Variants in AKR1C1 observed in about 807,000 individuals in gnomAD.
The protein encoded by AKR1C1 is aldo-keto reductase family 1 member C1, also known as 20 alpha-hydroxysteroid dehydrogenase.
A neutral mutation model predicts 40.6 loss-of-function variants in AKR1C1; 32 were observed. The observed-to-expected ratio is 0.79, with a 90% CI of 0.60 to 1.06. The LOEUF (loss-of-function observed/expected upper bound fraction) is 1.06, where lower values mean the gene tolerates loss of function less well. Among genes scored for constraint, AKR1C1 ranks in the 50% least tolerant of loss-of-function variants. The pLI, the probability that AKR1C1 is intolerant of heterozygous loss-of-function variation, is 0.00. For synonymous variants in AKR1C1, 105 were observed against 134.2 expected (o/e 0.78, Z 1.50); for missense variants, 320 against 363.5 (o/e 0.88, Z 0.97).
chr10:4,966,812 T>G, intron 2 of AKR1C1, 115 bp from the exon 3 acceptor site: 1 of 797,588 alleles, frequency 1.3e-6, no homozygotes, highest in Non-Finnish European at 2.1e-6. Flanking sequence ...GAGAATAATT[T>G]TGCCTGTGGT....
Position 4,982,885 on chromosome 10 carries a change from G to A in AKR1C1, c.*5143G>A, listed in dbSNP as rs1554771240. ...CTGTTACCACTGCGTACCACACCCT[G>A]ACCAGTCAGAGGTCTTGAGTCGGTC... On this transcript the variant is annotated 3_prime_UTR_variant, in exon 9 of 9. Coordinates refer to ENST00000380872, the MANE Select transcript of AKR1C1 (RefSeq NM_001353.6). 4.6e-6 allele frequency: 2 copies of A among 434,000 alleles called. No individual in the cohort carries two copies. 26.9% of individuals were successfully genotyped at this position (434,000 alleles called of 1,614,324 possible).
In AKR1C1 at chr10:4,966,963, C is replaced by T. The variant is rs563977504; in HGVS notation, c.289C>T (p.Pro97Ser). ...TTCCCATCGACCAGAGTTGGTCCGACCAGCCTTGGAAAGGTCACTGAAAAA... is the reference window on the plus strand; with the variant it reads ...TTCCCATCGACCAGAGTTGGTCCGATCAGCCTTGGAAAGGTCACTGAAAAA... ...CNSHRPELVR[P>S]ALERSLKNLQ... The change falls in exon 3 of 9, where the codon CCA becomes TCA. Residue 97 changes from proline (P) to serine (S), a missense_variant. By Grantham distance (74) the Pro-to-Ser change is moderately conservative. Transcript: ENST00000380872. The T allele has an allele frequency of 1.9e-6, 3 of 1,613,828 alleles. No homozygotes were observed. The highest frequency in any genetic ancestry group is 1.3e-5 in the African/African-American group (1 of 75,042).
intron 1 of AKR1C1, among the ~76,000 whole-genome samples, chr10:4,964,603 TA>T (rs1318674193): frequency 2.0e-5 from 3 of 152,212 alleles, no homozygotes; most frequent in Non-Finnish European, 4.4e-5. Context: ...TTTTGTCATT[TA>T]AAAGATATAC....
intron 4 of AKR1C1, 71 bp from the exon 5 acceptor site, chr10:4,968,751 C>A: frequency 6.2e-7 from 1 of 1,609,324 alleles, no homozygotes; most frequent in Non-Finnish European, 8.5e-7. Flanking sequence ...CATATCTAGA[C>A]AGTTGTTACT....
chr10:4,966,616 C>A (rs1836337715), intron 2 of AKR1C1, among the ~76,000 whole-genome samples: 1 of 152,204 alleles, frequency 6.6e-6, no homozygotes, highest in African/African-American at 2.4e-5. Flanking sequence ...GAAATAATTA[C>A]ACTACTAACA....
chr10:4,971,542 A>G (rs2131644474), intron 5 of AKR1C1, among the ~76,000 whole-genome samples: 1 of 147,438 alleles, frequency 6.8e-6, no homozygotes, highest in South Asian at 2.1e-4. Context: ...ATGAAAGAAG[A>G]ATGTGATCAA....
At position 4,977,859 on chromosome 10, in the gene AKR1C1, T is replaced by G; in HGVS notation, c.*117T>G. The G allele has an allele frequency of 1.4e-6, 2 of 1,459,116 alleles. No homozygotes were observed. Among genetic ancestry groups the G allele is most frequent in the Non-Finnish European group, 1.9e-6 (2 of 1,074,232 alleles). 90.4% of individuals were successfully genotyped at this position (1,459,116 alleles called of 1,614,324 possible). A position where few individuals can be genotyped will look rare whatever the true frequency, so the allele number is the denominator to read the frequency against. ...CTCTGGTTAAATCTCTCCTGCTTGG[T>G]GATTTCAGCAAGCTACAGCAAAGCC... On this transcript the variant is annotated 3_prime_UTR_variant, in exon 9 of 9. Transcript: ENST00000380872.
intron 5 of AKR1C1, among the ~76,000 whole-genome samples, 197 bp downstream of exon 5, chr10:4,969,141 T>G (rs149746750): frequency 6.6e-6 from 1 of 152,336 alleles, no homozygotes; most frequent in African/African-American, 2.4e-5. Context: ...GTTGTAACTT[T>G]GATGCTGAAT....
In AKR1C1 at chr10:4,968,610, G is replaced by A. The variant is rs148349966; in HGVS notation, c.448-212G>A. Reference sequence around the variant, plus strand: ...AAGGAGGACTGGGATTTATTTCCTTGCCTTTTCACTAATCTCTCCAGTTTC... The same window carrying A: ...AAGGAGGACTGGGATTTATTTCCTTACCTTTTCACTAATCTCTCCAGTTTC... On this transcript the variant is annotated intron_variant, in intron 4 of 8. Coordinates refer to ENST00000380872, the MANE Select transcript of AKR1C1 (RefSeq NM_001353.6). 1.0e-2 allele frequency among the ~76,000 whole-genome samples: 1,515 copies of A among 152,246 alleles called. 25 individuals carry two copies. Among genetic ancestry groups the A allele is most frequent in the African/African-American group, 0.034 (1,418 of 41,524 alleles).
rs1405537533 is a variant in AKR1C1 at position 4,981,518 on chromosome 10, AGT to A, written c.*3781_*3782del. 6.6e-6 allele frequency: 1 copy of A among 152,106 alleles called. No homozygotes were observed. The highest frequency in any genetic ancestry group is 1.5e-5 in the Non-Finnish European group (1 of 67,990). 9.4% of individuals were successfully genotyped at this position (152,106 alleles called of 1,614,324 possible). ...AGCATGCCTCTCCCACTTGGAGATT[AGT>A]GTGTAGAGATTTACATTGTGAATTT... is the stretch of plus-strand genomic sequence containing the variant. On this transcript the variant is annotated 3_prime_UTR_variant, in exon 9 of 9. Transcript: ENST00000380872.
In AKR1C1 at chr10:4,981,846, C is replaced by T. The variant is rs1435230859; in HGVS notation, c.*4104C>T. On this transcript the variant is annotated 3_prime_UTR_variant, in exon 9 of 9. Coordinates refer to ENST00000380872, the MANE Select transcript of AKR1C1 (RefSeq NM_001353.6). The stretch of plus-strand genomic sequence containing the variant: ...TGGGTGTCCAGCCTTGTGGGCAGAC[C>T]GGGAGGGATGTGGCCTGAAAGCCAT... 46 of 152,264 alleles carry T rather than the reference C, an allele frequency of 3.0e-4. No individual in the cohort carries two copies. Among genetic ancestry groups the T allele is most frequent in the Admixed American group, 3.9e-4 (6 of 15,284 alleles). The allele number at this position is 152,264 out of a possible 1,614,324, so 9.4% of individuals were successfully genotyped here. A position where few individuals can be genotyped will look rare whatever the true frequency, so the allele number is the denominator to read the frequency against.
Position 4,968,377 on chromosome 10 carries a change from C to T in AKR1C1, c.438C>T (p.Ala146=), listed in dbSNP as rs1371432514. Residue 146 remains alanine (A), a synonymous_variant, in exon 4 of 9, where the codon GCC becomes GCT. Coordinates refer to ENST00000380872, the MANE Select transcript of AKR1C1 (RefSeq NM_001353.6). The part of the protein sequence containing the change: ...KILFDTVDLC[A]TWEAVEKCKD... The stretch of plus-strand genomic sequence containing the variant: ...TATTTGACACAGTGGATCTCTGTGC[C>T]ACATGGGAGGTGAGTGTTTGGAGGT... The T allele has an allele frequency of 1.9e-6, 3 of 1,573,052 alleles. No individual in the cohort carries two copies. The highest frequency in any genetic ancestry group is 2.2e-5 in the East Asian group (1 of 44,612).
At chr10:4,968,180 C>T in intron 3 of AKR1C1, 129 bp from the exon 4 acceptor site, 2 of 1,216,580 alleles carry the variant, frequency 1.6e-6, no homozygotes, top group Middle Eastern at 2.2e-4. Flanking sequence ...ACACTCTGTA[C>T]ATACCACTCT....
In AKR1C1 at chr10:4,965,943, C is replaced by A. The variant is rs1193565399; in HGVS notation, c.114C>A (p.Thr38=). The A allele has an allele frequency of 6.2e-7, 1 of 1,614,002 alleles. No individual in the cohort carries two copies. Among genetic ancestry groups the A allele is most frequent in the African/African-American group, 1.3e-5 (1 of 74,942 alleles). Residue 38 remains threonine (T), a synonymous_variant, in exon 2 of 9, where the codon ACC becomes ACA. Transcript: ENST00000380872. ...EVPKSKALEA[T]KLAIEAGFRH... ...CTAAAAGTAAAGCTTTAGAGGCCAC[C>A]AAATTGGCAATTGAAGCTGGCTTCC... is the stretch of plus-strand genomic sequence containing the variant.
At chr10:4,973,780 G>C (rs1245957466) in intron 7 of AKR1C1, among the ~76,000 whole-genome samples, 1 of 151,970 alleles carries the variant, frequency 6.6e-6, no homozygotes, top group African/African-American at 2.4e-5. Flanking sequence ...ATAGTTATAT[G>C]TATGAATATG....
chr10:4,980,825 C>T lies in AKR1C1; in HGVS notation c.*3083C>T, dbSNP rs111963724. 1.3e-5 allele frequency: 2 copies of T among 152,146 alleles called. No individual in the cohort carries two copies. The highest frequency in any genetic ancestry group is 4.8e-5 in the African/African-American group (2 of 41,422). The allele number at this position is 152,146 out of a possible 1,614,324, so 9.4% of individuals were successfully genotyped here. ...AAGTAAATGTTTTGCCCTCCTGTCA[C>T]GAATCATGAATGTTTTTAATGGCAT... On this transcript the variant is annotated 3_prime_UTR_variant, in exon 9 of 9. Transcript: ENST00000380872.
At chr10:4,966,213 G>A in intron 2 of AKR1C1, 132 bp downstream of exon 2, 1 of 1,448,274 alleles carries the variant, frequency 6.9e-7, no homozygotes, top group Non-Finnish European at 9.2e-7. Context: ...ACTTACTCAT[G>A]TATTAAAACT....
Position 4,965,908 on chromosome 10 carries a change from C to T in AKR1C1, c.85-6C>T, listed in dbSNP as rs770780886. ...CAGAAAATACTACCTATGGTTACTC[C>T]CCCAGGTTCCTAAAAGTAAAGCTTT... On this transcript the variant is annotated splice_polypyrimidine_tract_variant and splice_region_variant and intron_variant, in intron 1 of 8. Coordinates refer to ENST00000380872, the MANE Select transcript of AKR1C1 (RefSeq NM_001353.6). 6.2e-7 allele frequency: 1 copy of T among 1,612,688 alleles called. No homozygotes were observed. Among genetic ancestry groups the T allele is most frequent in the Middle Eastern group, 1.7e-4 (1 of 6,050 alleles).
In AKR1C1 at chr10:4,966,952, A is replaced by G; in HGVS notation, c.278A>G (p.Glu93Gly). Residue 93 changes from glutamate to glycine, a missense_variant, in exon 3 of 9, where the codon GAG becomes GGG. By Grantham distance (98) the Glu-to-Gly change is moderately conservative. Transcript: ENST00000380872. ...SKLWCNSHRPELVRPALERSL... is the reference protein window; with the variant it reads ...SKLWCNSHRPGLVRPALERSL... ...CTTTGGTGCAATTCCCATCGACCAG[A>G]GTTGGTCCGACCAGCCTTGGAAAGG... 6.2e-7 allele frequency: 1 copy of G among 1,613,808 alleles called. No homozygotes were observed. Among genetic ancestry groups the G allele is most frequent in the Non-Finnish European group, 8.5e-7 (1 of 1,179,784 alleles).
Sources: gnomAD v4.1 joint callset for allele counts (sites outside exome capture counted in the v4.1 genomes callset) on GRCh38, gnomAD v4.1.1 for gene constraint, MANE v1.5 for transcripts, NCBI Gene and HGNC (gene_info 2026-07-23, HGNC 2026-07-21) for gene names.